CCDC88A: variants seen among roughly 807,000 people sequenced by gnomAD.
CCDC88A encodes girdin.
In CCDC88A, 54 loss-of-function variants were observed where a neutral mutation model predicts 234.3. The observed-to-expected ratio is 0.23, with a 90% CI of 0.19 to 0.29. The LOEUF (loss-of-function observed/expected upper bound fraction) is 0.29. Ranked by LOEUF, CCDC88A falls within the 10% of genes least tolerant of loss-of-function variation. CCDC88A has a pLI of 1.00. For synonymous variants in CCDC88A, 753 were observed against 737.8 expected (o/e 1.02, Z -0.33); for missense variants, 1,832 against 2,123.4 (o/e 0.86, Z 2.70).
chr2:55,296,218 G>A (rs776848299), intron 30 of CCDC88A, 40 bp downstream of exon 30: 2 of 1,554,920 alleles, frequency 1.3e-6, no homozygotes, highest in Admixed American at 3.8e-5. Context: ...TTTAACTTGT[G>A]GTGTTCATCT....
chr2:55,312,447 G>C lies in CCDC88A; in HGVS notation c.4066C>G (p.Gln1356Glu). ...MESKDLFHVEQRQYIDKLNEL... is the reference protein window; with the variant it reads ...MESKDLFHVEERQYIDKLNEL... ...TTTGGTACCTACATGTACTGTCTTTGTTCAACATGAAAAAGATCCTTGCTT... is the reference window on the plus strand; with the variant it reads ...TTTGGTACCTACATGTACTGTCTTTCTTCAACATGAAAAAGATCCTTGCTT... The change falls in exon 23 of 33, where the codon CAA becomes GAA. Residue 1356 changes from glutamine (Q) to glutamate (E), a missense_variant. This residue lies in a region of CCDC88A where 1,282 missense variants were observed against 1,543.6 expected (regional missense o/e 0.83). Coordinates refer to ENST00000436346, the MANE Select transcript of CCDC88A (RefSeq NM_001365480.1). 2 of 1,611,766 alleles carry C rather than the reference G, an allele frequency of 1.2e-6. No individual in the cohort carries two copies. Among genetic ancestry groups the C allele is most frequent in the African/African-American group, 2.7e-5 (2 of 74,694 alleles).
At chr2:55,339,874 C>T (rs1057066225) in intron 12 of CCDC88A, 4 of 376,866 alleles carry the variant, frequency 1.1e-5, no homozygotes, top group African/African-American at 8.5e-5. Context: ...CTCTGTCACC[C>T]AGGCTGGAGT....
chr2:55,387,176 CAAAAAAAAAAAAAA>C (rs869311337), intron 3 of CCDC88A, among the ~76,000 whole-genome samples: 1 of 69,770 alleles, frequency 1.4e-5, no homozygotes, highest in Admixed American at 2.0e-4. Flanking sequence ...GATTCCATCT[CAAAAAAAAAAAAAA>C]AAAAAAAAAA....
At position 55,328,251 on chromosome 2, in the gene CCDC88A, A is replaced by G; in HGVS notation, c.2997+43T>C. 1 of 1,357,032 alleles carries G rather than the reference A, an allele frequency of 7.4e-7. No individual in the cohort carries two copies. Among genetic ancestry groups the G allele is most frequent in the Non-Finnish European group, 1.0e-6 (1 of 991,878 alleles). 84.1% of individuals were successfully genotyped at this position (1,357,032 alleles called of 1,614,324 possible). ...TATATTTTTCTGTCCAAATATTTATATAATAAATGATCCTTAAAATTCTTT... is the reference window on the plus strand; with the variant it reads ...TATATTTTTCTGTCCAAATATTTATGTAATAAATGATCCTTAAAATTCTTT... On this transcript the variant is annotated intron_variant, in intron 17 of 32. Transcript: ENST00000436346. The surrounding 1 kb of genome is among the most constrained non-coding windows in gnomAD (Gnocchi z 4.3).
Position 55,296,396 on chromosome 2 carries a change from T to A in CCDC88A, c.4953A>T (p.Arg1651Ser). The A allele has an allele frequency of 6.2e-7, 1 of 1,614,186 alleles. No homozygotes were observed. Among genetic ancestry groups the A allele is most frequent in the Non-Finnish European group, 8.5e-7 (1 of 1,180,022 alleles). The change falls in exon 30 of 33, where the codon AGA (arginine) becomes AGT (serine). Residue 1651 changes from arginine to serine, a missense_variant. Transcript: ENST00000436346. ...TTTTGTGCTGGAGCACTGGGCTTGA[T>A]CTGGTCTGTCTTTTCAAGTACTGGA... ...SPIQYLKRQT[R>S]SSPVLQHKIS...
At chr2:55,303,642 A>G (rs1412535183) in intron 25 of CCDC88A, among the ~76,000 whole-genome samples, 1 of 152,142 alleles carries the variant, frequency 6.6e-6, no homozygotes, top group Non-Finnish European at 1.5e-5. Context: ...CAGCCTCCCA[A>G]AGTGCTGGGA....
At chr2:55,313,409 G>A (rs111837102) in intron 22 of CCDC88A, 1 of 152,228 alleles carries the variant, frequency 6.6e-6, no homozygotes, top group Non-Finnish European at 1.5e-5. Context: ...TCTGTGTATA[G>A]TTTTTGTAGC....
At chr2:55,415,296 C>T (rs1045123005) in intron 2 of CCDC88A, among the ~76,000 whole-genome samples, 1 of 152,054 alleles carries the variant, frequency 6.6e-6, no homozygotes, top group Non-Finnish European at 1.5e-5. Context: ...GCAACATAGC[C>T]AGACCCCATC....
chr2:55,414,094 A>T (rs1253434036), intron 2 of CCDC88A, among the ~76,000 whole-genome samples: 1 of 152,242 alleles, frequency 6.6e-6, no homozygotes, highest in Non-Finnish European at 1.5e-5. Context: ...TTCCAAGTAC[A>T]GCTCTCTATA....
At chr2:55,415,188 G>A (rs541388080) in intron 2 of CCDC88A, among the ~76,000 whole-genome samples, 1 of 152,084 alleles carries the variant, frequency 6.6e-6, no homozygotes, top group Non-Finnish European at 1.5e-5. Flanking sequence ...TGGTGCGCGT[G>A]CCTGTAGTCC....
In CCDC88A at chr2:55,291,703, T is replaced by C. The variant is rs763009211; in HGVS notation, c.*8A>G. On this transcript the variant is annotated 3_prime_UTR_variant, in exon 32 of 33. Coordinates refer to ENST00000436346, the MANE Select transcript of CCDC88A (RefSeq NM_001365480.1). ...CTTGGCCCACATGTCATGTAGTGGG[T>C]AATAGAATTAGGAGCTTTGTTGCTC... is the stretch of plus-strand genomic sequence containing the variant. The C allele has an allele frequency of 8.2e-6, 13 of 1,590,212 alleles. No homozygotes were observed. The highest frequency in any genetic ancestry group is 1.1e-5 in the Non-Finnish European group (13 of 1,160,414).
At chr2:55,381,100 C>T (rs1332444863) in intron 3 of CCDC88A, among the ~76,000 whole-genome samples, 1 of 152,102 alleles carries the variant, frequency 6.6e-6, no homozygotes, top group Admixed American at 6.5e-5. Context: ...GTTACAACTG[C>T]CTACAGTATT....
chr2:55,387,176 CAAAAAAA>C (rs869311337), intron 3 of CCDC88A, among the ~76,000 whole-genome samples: 53 of 69,776 alleles, frequency 7.6e-4, no homozygotes, highest in Admixed American at 1.4e-3. Context: ...GATTCCATCT[CAAAAAAA>C]AAAAAAAAAA....
At chr2:55,403,137 G>T (rs1170509362) in intron 2 of CCDC88A, among the ~76,000 whole-genome samples, 2 of 152,242 alleles carry the variant, frequency 1.3e-5, no homozygotes, top group East Asian at 3.9e-4. Flanking sequence ...ACAATCAGTT[G>T]TTTTCCCTGA....
chr2:55,373,976 C>G (rs1673216735), intron 4 of CCDC88A, among the ~76,000 whole-genome samples: 1 of 152,108 alleles, frequency 6.6e-6, no homozygotes, highest in Admixed American at 6.5e-5. Context: ...TCTAAAATAT[C>G]ACATTTAAAA....
chr2:55,291,881 G>A (rs1679480892), intron 31 of CCDC88A, 106 bp from the exon 32 acceptor site: 1 of 709,006 alleles, frequency 1.4e-6, no homozygotes, highest in Non-Finnish European at 2.3e-6. Flanking sequence ...GAAGGAATCT[G>A]TAACTGTCTG....
At chr2:55,306,801 C>T (rs1681629135) in intron 25 of CCDC88A, among the ~76,000 whole-genome samples, 1 of 152,164 alleles carries the variant, frequency 6.6e-6, no homozygotes, top group Non-Finnish European at 1.5e-5. Context: ...GTCCTAAACT[C>T]CTGACCTCAA....
intron 18 of CCDC88A, among the ~76,000 whole-genome samples, chr2:55,321,762 A>AAT (rs1335080566): frequency 6.6e-6 from 1 of 152,170 alleles, no homozygotes. Context: ...TTGTTAAAGA[A>AAT]ATATACTTCT....
At chr2:55,306,365 C>T (rs1681566041) in intron 25 of CCDC88A, 1 of 152,036 alleles carries the variant, frequency 6.6e-6, no homozygotes, top group Non-Finnish European at 1.5e-5. Flanking sequence ...GTGGACAAAA[C>T]CAGACAGCAA....
Sources: allele counts gnomAD v4.1 joint callset (sites outside exome capture counted in the v4.1 genomes callset), GRCh38; gene constraint gnomAD v4.1.1; regional missense constraint gnomAD v4.1.1; non-coding constraint Gnocchi (gnomAD v3.1); transcripts MANE v1.5; gene names NCBI Gene and HGNC (gene_info 2026-07-23, HGNC 2026-07-21).